The following LIPA variants were observed in gnomAD, a reference collection of about 807,000 sequenced individuals.
LIPA encodes the protein lysosomal acid lipase/cholesteryl ester hydrolase.
In LIPA, 26 loss-of-function variants were observed where a neutral mutation model predicts 40.6. The ratio of observed to expected loss-of-function variants is 0.64; its 90% CI spans 0.47 to 0.89. The LOEUF (loss-of-function observed/expected upper bound fraction) is 0.89, where lower values mean the gene tolerates loss of function less well. Among genes scored for constraint, LIPA ranks in the 40% least tolerant of loss-of-function variants. The probability of loss-of-function intolerance (pLI) is 0.00; values close to 1 mark genes in which losing one functional copy is unlikely to be tolerated. For synonymous variants in LIPA, 188 were observed against 168.4 expected, an observed-to-expected ratio of 1.12 and a Z score of -0.90; for missense variants, 455 against 479.6, an observed-to-expected ratio of 0.95 and a Z score of 0.48.
chr10:89,391,377 C>CTT (rs201560772), intron 2 of LIPA, among the ~76,000 whole-genome samples: 3 of 150,150 alleles, frequency 2.0e-5, no homozygotes, highest in Non-Finnish European at 4.5e-5. Context: ...CCACACCCAG[C>CTT]TTTTTTTTTC....
chr10:89,270,226 C>T (rs948003810), intron 1 of LIPA, among the ~76,000 whole-genome samples: 1 of 152,210 alleles, frequency 6.6e-6, no homozygotes, highest in African/African-American at 2.4e-5. Context: ...TTTGCTTCCA[C>T]CAGTCAGGGC....
At chr10:89,367,504 C>G (rs544051273) in intron 2 of LIPA, among the ~76,000 whole-genome samples, 2 of 152,268 alleles carry the variant, frequency 1.3e-5, no homozygotes, top group Admixed American at 6.5e-5. Context: ...CCTATAGAAA[C>G]CAAAGGACAT....
chr10:89,408,042 G>A (rs1022246296), intron 2 of LIPA, among the ~76,000 whole-genome samples: 1 of 152,044 alleles, frequency 6.6e-6, no homozygotes, highest in African/African-American at 2.4e-5. Flanking sequence ...AGAGACCATT[G>A]CGGGTTCTTG....
chr10:89,379,186 G>C (rs1388104984), intron 2 of LIPA, among the ~76,000 whole-genome samples: 1 of 152,162 alleles, frequency 6.6e-6, no homozygotes, highest in South Asian at 2.1e-4. Context: ...CTATGAAATT[G>C]TGATTACTAT....
At chr10:89,228,144 G>A in intron 4 of LIPA, 56 bp downstream of exon 4, 2 of 1,461,788 alleles carry the variant, frequency 1.4e-6, no homozygotes, top group Non-Finnish European at 1.9e-6. Context: ...GAAGCCTGTT[G>A]TCTGCTTTAA....
chr10:89,231,360 C>T (rs1431276425), intron 3 of LIPA, among the ~76,000 whole-genome samples: 1 of 152,216 alleles, frequency 6.6e-6, no homozygotes, highest in East Asian at 1.9e-4. Context: ...GAAGGCACTG[C>T]TCACATACAT....
At chr10:89,403,015 T>TAG in intron 2 of LIPA, 1 of 1,614,224 alleles carries the variant, frequency 6.2e-7, no homozygotes, top group Non-Finnish European at 8.5e-7. Context: ...CTAGCCAACA[T>TAG]GTCCTCACAG....
At chr10:89,220,468 A>G (rs1255297032) in intron 8 of LIPA, among the ~76,000 whole-genome samples, 1 of 152,204 alleles carries the variant, frequency 6.6e-6, no homozygotes, top group Non-Finnish European at 1.5e-5. Context: ...AAATGTGACC[A>G]AGGAGAAAAG....
At chr10:89,328,237 C>T (rs1301541098) in intron 1 of LIPA, among the ~76,000 whole-genome samples, 1 of 152,052 alleles carries the variant, frequency 6.6e-6, no homozygotes, top group Admixed American at 6.6e-5. Flanking sequence ...GGGGTTTTTC[C>T]CTGTGGCTTT....
chr10:89,337,903 G>A (rs1219323232), intron 1 of LIPA, among the ~76,000 whole-genome samples: 3 of 152,178 alleles, frequency 2.0e-5, no homozygotes, highest in Non-Finnish European at 4.4e-5. Context: ...GTACAAAAGT[G>A]ATAATTCCAT....
At chr10:89,412,694 G>A (rs775655651) in intron 2 of LIPA, 99 of 421,214 alleles carry the variant, frequency 2.4e-4, no homozygotes, top group Admixed American at 6.9e-4. Flanking sequence ...CCACCGGGAG[G>A]AACGAACAAC....
In LIPA at chr10:89,287,132, G is replaced by T. The variant is rs1027909972; in HGVS notation, c.-1-39483C>A. ...AACTCTGGCCCAAGGCTCTCTGATT[G>T]ACTTCTTCCCAGATCTTCTGGGCTT... On this transcript the variant is annotated intron_variant, in intron 1 of 5. Transcript: ENST00000282673. Among the ~76,000 whole-genome samples, 21 of 152,184 alleles carry T rather than the reference G, an allele frequency of 1.4e-4. 1 individual carries two copies. Among genetic ancestry groups the T allele is most frequent in the Non-Finnish European group, 2.8e-4 (19 of 68,034 alleles).
chr10:89,281,371 C>T, intron 1 of LIPA, among the ~76,000 whole-genome samples: 1 of 152,188 alleles, frequency 6.6e-6, no homozygotes. Flanking sequence ...CTGTTGACTA[C>T]AAATCCACAC....
chr10:89,296,555 G>A (rs371961450), intron 1 of LIPA, among the ~76,000 whole-genome samples: 12 of 151,806 alleles, frequency 7.9e-5, no homozygotes, highest in Admixed American at 2.6e-4. Context: ...AAACTCTTGC[G>A]TAAGACACAA....
At chr10:89,337,579 T>A (rs1013867843) in intron 1 of LIPA, among the ~76,000 whole-genome samples, 1 of 152,112 alleles carries the variant, frequency 6.6e-6, no homozygotes, top group Non-Finnish European at 1.5e-5. Context: ...TTTGTATTTT[T>A]AGTAGAGGCA....
At chr10:89,339,978 A>G in intron 1 of LIPA, 1 of 1,614,240 alleles carries the variant, frequency 6.2e-7, no homozygotes, top group East Asian at 2.2e-5. Context: ...ATGAGAAGGA[A>G]CTGGGCCGCC....
intron 2 of LIPA, among the ~76,000 whole-genome samples, chr10:89,379,738 TA>T (rs1261203534): frequency 6.6e-6 from 1 of 152,054 alleles, no homozygotes; most frequent in East Asian, 1.9e-4. Context: ...CTCCTGGTCA[TA>T]AGATGTTAGT....
intron 1 of LIPA, among the ~76,000 whole-genome samples, chr10:89,260,605 G>C (rs1419062318): frequency 6.6e-6 from 1 of 152,178 alleles, no homozygotes; most frequent in African/African-American, 2.4e-5. Context: ...TGGAGGTGCC[G>C]ACACATTCTG....
chr10:89,341,698 AG>A (rs1843871977), intron 1 of LIPA, among the ~76,000 whole-genome samples: 2 of 152,326 alleles, frequency 1.3e-5, no homozygotes, highest in East Asian at 3.9e-4. Flanking sequence ...GTGGCCCTAA[AG>A]GAGTTCATCT....
Sources: gnomAD v4.1 joint callset for allele counts (sites outside exome capture counted in the v4.1 genomes callset) on GRCh38, gnomAD v4.1.1 for gene constraint, MANE v1.5 for transcripts, NCBI Gene and HGNC (gene_info 2026-07-23, HGNC 2026-07-21) for gene names.